The following SPAG6 variants were observed in gnomAD, a reference collection of about 807,000 sequenced individuals.
SPAG6 encodes the protein sperm associated antigen 6.
SPAG6 carries 49 observed loss-of-function variants against 58.5 expected under a neutral mutation model. That is an observed-to-expected ratio of 0.84 (90% CI 0.67 to 1.06). The LOEUF (loss-of-function observed/expected upper bound fraction) is 1.06, where lower values mean the gene tolerates loss of function less well. SPAG6 is among the 50% of genes least tolerant of loss of function. The pLI is 0.00. For missense variants in SPAG6, 560 were observed against 611.3 expected (o/e 0.92, Z 0.89); for synonymous variants, 233 against 225.6 (o/e 1.03, Z -0.29).
chr10:22,390,652 G>A (rs1309520238), intron 7 of SPAG6, among the ~76,000 whole-genome samples: 1 of 152,212 alleles, frequency 6.6e-6, no homozygotes, highest in African/African-American at 2.4e-5. Flanking sequence ...GGATGGAGTA[G>A]AGGCACTGTC....
At chr10:22,365,877 C>A (rs1046838426) in intron 3 of SPAG6, among the ~76,000 whole-genome samples, 3 of 152,182 alleles carry the variant, frequency 2.0e-5, no homozygotes, top group East Asian at 3.9e-4. Context: ...CACTTCATAC[C>A]TTTTAGGGTG....
intron 4 of SPAG6, among the ~76,000 whole-genome samples, chr10:22,379,368 A>G (rs1369251920): frequency 1.3e-5 from 2 of 152,246 alleles, no homozygotes; most frequent in Non-Finnish European, 2.9e-5. Context: ...CCAATGCACT[A>G]TAGCAGAGGC....
intron 2 of SPAG6, among the ~76,000 whole-genome samples, chr10:22,351,095 G>T (rs1474672536): frequency 6.6e-6 from 1 of 152,170 alleles, no homozygotes; most frequent in South Asian, 2.1e-4. Flanking sequence ...AACAAGTCCT[G>T]TCTTTAGGTA....
Position 22,387,907 on chromosome 10 carries a change from G to A in SPAG6, c.763G>A (p.Val255Ile). The change falls in exon 6 of 11, where the codon GTT becomes ATT. Residue 255 changes from valine (V) to isoleucine (I), a missense_variant. Physicochemically the swap from Val to Ile is conservative, Grantham distance 29 (BLOSUM62 3). Transcript: ENST00000376624. Reference protein sequence around the residue: ...EMVVEAEIFPVVLTCLKDKDE... With the variant: ...EMVVEAEIFPIVLTCLKDKDE... The stretch of plus-strand genomic sequence containing the variant: ...GGTTGTTGAAGCAGAGATTTTTCCA[G>A]TTGTACTTACCTGTCTGAAGGACAA... 6.2e-7 allele frequency: 1 copy of A among 1,613,380 alleles called. No homozygotes were observed. Among genetic ancestry groups the A allele is most frequent in the Non-Finnish European group, 8.5e-7 (1 of 1,179,684 alleles).
Position 22,368,671 on chromosome 10 carries a change from T to A in SPAG6, c.465T>A (p.His155Gln). 1 of 1,607,412 alleles carries A rather than the reference T, an allele frequency of 6.2e-7. No individual in the cohort carries two copies. The highest frequency in any genetic ancestry group is 8.5e-7 in the Non-Finnish European group (1 of 1,176,270). Residue 155 changes from histidine to glutamine, a missense_variant, in exon 4 of 11, where the codon CAT becomes CAA. By Grantham distance (24) the His-to-Gln change is conservative. Coordinates refer to ENST00000376624, the MANE Select transcript of SPAG6 (RefSeq NM_012443.4). The part of the protein sequence containing the change: ...AAWALRYIAR[H>Q]NAELSQAVVD... ...GGGCACTTAGATATATTGCAAGACATAATGCAGGTAATTTAAAATATGCAG... is the reference window on the plus strand; with the variant it reads ...GGGCACTTAGATATATTGCAAGACAAAATGCAGGTAATTTAAAATATGCAG...
intron 9 of SPAG6, among the ~76,000 whole-genome samples, chr10:22,406,254 T>G (rs1315977604): frequency 6.6e-6 from 1 of 152,206 alleles, no homozygotes; most frequent in African/African-American, 2.4e-5. Flanking sequence ...GGATCTTTCC[T>G]GCTTTCTCTT....
At chr10:22,384,870 G>C (rs552691049) in intron 4 of SPAG6, among the ~76,000 whole-genome samples, 1 of 152,280 alleles carries the variant, frequency 6.6e-6, no homozygotes, top group African/African-American at 2.4e-5. Flanking sequence ...CAGGTCAAAT[G>C]AATGGGAATT....
intron 4 of SPAG6, among the ~76,000 whole-genome samples, chr10:22,371,549 C>T (rs1279298396): frequency 2.0e-5 from 3 of 152,066 alleles, no homozygotes; most frequent in Admixed American, 1.3e-4. Flanking sequence ...CTGCGTCCGG[C>T]TTTTGTTTGT....
At chr10:22,396,091 A>G (rs1478147118) in intron 8 of SPAG6, among the ~76,000 whole-genome samples, 6 of 152,180 alleles carry the variant, frequency 3.9e-5, no homozygotes, top group African/African-American at 1.2e-4. Flanking sequence ...ATGTCTTCAC[A>G]TGGCAGAGCA....
At chr10:22,356,361 G>A (rs113260119) in intron 2 of SPAG6, among the ~76,000 whole-genome samples, 8,048 of 152,202 alleles carry the variant, frequency 0.053, 710 homozygotes, top group African/African-American at 0.18. Context: ...TGTGCAGTAC[G>A]CATCCTGCAC....
intron 8 of SPAG6, among the ~76,000 whole-genome samples, chr10:22,392,996 A>G (rs1232230125): frequency 6.6e-6 from 1 of 151,994 alleles, no homozygotes; most frequent in Non-Finnish European, 1.5e-5. Context: ...CTTCCCTCAT[A>G]TGTCTCTCAC....
chr10:22,364,814 A>G, intron 2 of SPAG6, 39 bp from the exon 3 acceptor site: 8 of 1,535,248 alleles, frequency 5.2e-6, no homozygotes, highest in Non-Finnish European at 7.1e-6. Flanking sequence ...TTTTTAATTT[A>G]AATTTTCCTG....
chr10:22,400,809 A>T (rs1048386659), intron 8 of SPAG6, among the ~76,000 whole-genome samples: 1 of 152,156 alleles, frequency 6.6e-6, no homozygotes, highest in African/African-American at 2.4e-5. Context: ...GAAATGGGAT[A>T]TATTAGTTAT....
At chr10:22,352,053 G>T (rs537057514) in intron 2 of SPAG6, among the ~76,000 whole-genome samples, 1 of 151,946 alleles carries the variant, frequency 6.6e-6, no homozygotes, top group Non-Finnish European at 1.5e-5. Flanking sequence ...CCAGCTACTC[G>T]GAGAGGCTGA....
rs1001660594 is a variant in SPAG6, at chr10:22,360,712, G to A, written c.122-4141G>A. 4.4e-5 allele frequency: 36 copies of A among 825,674 alleles called. No homozygotes were observed. In the African/African-American group the frequency reaches 4.7e-4, roughly 11 times the overall value. The allele number at this position is 825,674 out of a possible 1,614,324, so 51.1% of individuals were successfully genotyped here. On this transcript the variant is annotated intron_variant, in intron 2 of 10. Transcript: ENST00000376624. ...ATATAATATTACATAGTATATGTTG[G>A]GTCCTTCAAGTGAGCCCCAGTGATG...
chr10:22,379,159 A>G (rs1400342500), intron 4 of SPAG6, among the ~76,000 whole-genome samples: 1 of 152,142 alleles, frequency 6.6e-6, no homozygotes, highest in African/African-American at 2.4e-5. Flanking sequence ...TTCCCCCTTT[A>G]TGCTTTTCTC....
chr10:22,403,526 G>C (rs1312608347), intron 9 of SPAG6, among the ~76,000 whole-genome samples: 1 of 152,040 alleles, frequency 6.6e-6, no homozygotes, highest in Non-Finnish European at 1.5e-5. Flanking sequence ...TCTTAATCCA[G>C]TGTATCACTG....
intron 4 of SPAG6, among the ~76,000 whole-genome samples, chr10:22,371,419 A>G (rs1319928945): frequency 6.6e-6 from 1 of 152,012 alleles, no homozygotes; most frequent in Non-Finnish European, 1.5e-5. Flanking sequence ...ATGCCCAGCT[A>G]ATTTTTGTAT....
At chr10:22,372,959 C>T (rs1418432181) in intron 4 of SPAG6, among the ~76,000 whole-genome samples, 2 of 152,186 alleles carry the variant, frequency 1.3e-5, no homozygotes, top group African/African-American at 2.4e-5. Flanking sequence ...TGCTTGGCAA[C>T]TGCTCAACAC....
Sources: allele counts gnomAD v4.1 joint callset (sites outside exome capture counted in the v4.1 genomes callset), GRCh38; gene constraint gnomAD v4.1.1; transcripts MANE v1.5; gene names NCBI Gene and HGNC (gene_info 2026-07-23, HGNC 2026-07-21).